Variants in GPRC6A observed in about 807,000 individuals in gnomAD.
The protein encoded by GPRC6A is G protein-coupled receptor class C group 6 member A, also known as G protein-coupled receptor family C group 6 member A.
GPRC6A carries 54 observed loss-of-function variants against 47.0 expected under a neutral mutation model. The ratio of observed to expected loss-of-function variants is 1.15; its 90% confidence interval spans 0.92 to 1.44. The LOEUF (loss-of-function observed/expected upper bound fraction) is 1.44. GPRC6A is among the 40% of genes most tolerant of loss of function. GPRC6A has a pLI of 0.00. For missense variants in GPRC6A, 1,112 were observed against 1,105.5 expected, an observed-to-expected ratio of 1.01 and a Z score of -0.08; for synonymous variants, 347 against 377.1, an observed-to-expected ratio of 0.92 and a Z score of 0.93.
chr6:116,828,727 A>T (rs1773747618), intron 1 of GPRC6A, 93 bp downstream of exon 1: 1 of 1,035,516 alleles, frequency 9.7e-7, no homozygotes, highest in Non-Finnish European at 1.4e-6. Context: ...TTATTTTTTT[A>T]AATGATTTAG....
intron 1 of GPRC6A, among the ~76,000 whole-genome samples, chr6:116,812,987 A>G (rs966640039): frequency 2.6e-5 from 4 of 152,218 alleles, no homozygotes; most frequent in Non-Finnish European, 5.9e-5. Context: ...GAGACAAATC[A>G]TGAGTGAACT....
At chr6:116,812,639 GCT>G (rs1773064268) in intron 1 of GPRC6A, among the ~76,000 whole-genome samples, 6 of 151,974 alleles carry the variant, frequency 3.9e-5, no homozygotes, top group Non-Finnish European at 8.8e-5. Flanking sequence ...ACATAGACTG[GCT>G]GTCAATATTA....
chr6:116,820,321 C>A (rs1307290803), intron 1 of GPRC6A, among the ~76,000 whole-genome samples: 5 of 152,068 alleles, frequency 3.3e-5, no homozygotes, highest in African/African-American at 4.8e-5. Context: ...CTATTCCGAT[C>A]AATAGAAAAA....
At position 116,800,714 on chromosome 6, in the gene GPRC6A, C is replaced by T. The variant is rs1247220061; in HGVS notation, c.1418G>A (p.Gly473Glu). 6.2e-7 allele frequency: 1 copy of T among 1,611,088 alleles called. No individual in the cohort carries two copies. The change falls in exon 4 of 6, where the codon GGA becomes GAA. Residue 473 changes from glycine (G) to glutamate (E), a missense_variant. By Grantham distance (98) the Gly-to-Glu change is moderately conservative (BLOSUM62 -2). Transcript: ENST00000310357. ...HFDAHGDLNT[G>E]YDVVLWKEIN... The stretch of plus-strand genomic sequence containing the variant: ...CTCCTTCCAGAGCACAACATCATAT[C>T]CAGTATTTAAATCCCCGTGAGCATC...
chr6:116,816,112 T>A (rs761318787), intron 1 of GPRC6A, among the ~76,000 whole-genome samples: 1 of 152,212 alleles, frequency 6.6e-6, no homozygotes, highest in African/African-American at 2.4e-5. Flanking sequence ...CCAAATCTCA[T>A]GTCCTTCTCA....
chr6:116,819,535 G>T lies in GPRC6A; in HGVS notation c.194+9285C>A, dbSNP rs1773378443. Among the ~76,000 whole-genome samples, 3 of 152,220 alleles carry T rather than the reference G, an allele frequency of 2.0e-5. No individual in the cohort carries two copies. In the South Asian group the frequency reaches 6.2e-4, roughly 32 times the overall value. ...CTCAGACCACAGTGCAATCAAACTA[G>T]AACTCAGGATTAAGAATCTCACTCA... On this transcript the variant is annotated intron_variant, in intron 1 of 5. Coordinates refer to ENST00000310357, the MANE Select transcript of GPRC6A (RefSeq NM_148963.4).
In GPRC6A at chr6:116,803,700, A is replaced by G. The variant is rs142230741; in HGVS notation, c.1335+2670T>C. ...CATATGCCATGATTTCCTGCTTCCTAAAGATGCTGTGCTTTCTTTTCTCCC... is the reference window on the plus strand; with the variant it reads ...CATATGCCATGATTTCCTGCTTCCTGAAGATGCTGTGCTTTCTTTTCTCCC... On this transcript the variant is annotated intron_variant, in intron 3 of 5. Transcript: ENST00000310357. Among the ~76,000 whole-genome samples, 305 of 152,168 alleles carry G rather than the reference A, an allele frequency of 2.0e-3. 1 individual carries two copies. The highest frequency in any genetic ancestry group is 6.1e-3 in the African/African-American group (254 of 41,534).
chr6:116,825,860 T>C (rs956844206), intron 1 of GPRC6A, among the ~76,000 whole-genome samples: 1 of 151,838 alleles, frequency 6.6e-6, no homozygotes, highest in African/African-American at 2.4e-5. Context: ...ACATAGATCA[T>C]GGGAAACAGA....
intron 4 of GPRC6A, 108 bp from the exon 5 acceptor site, chr6:116,795,943 G>C (rs1772473810): frequency 1.4e-6 from 1 of 690,618 alleles, no homozygotes; most frequent in Non-Finnish European, 2.2e-6. Flanking sequence ...TACTATTTTG[G>C]TCTTTTTTCA....
At chr6:116,803,292 A>G (rs1448207602) in intron 3 of GPRC6A, among the ~76,000 whole-genome samples, 1 of 151,912 alleles carries the variant, frequency 6.6e-6, no homozygotes, top group Admixed American at 6.6e-5. Flanking sequence ...TGATTTACCA[A>G]ATTGGTGTTT....
At chr6:116,824,884 T>A (rs964824774) in intron 1 of GPRC6A, among the ~76,000 whole-genome samples, 16 of 152,142 alleles carry the variant, frequency 1.1e-4, no homozygotes, top group Admixed American at 2.0e-4. Context: ...GTCACAAAGA[T>A]AATACACCAT....
rs1772364026 is a variant in GPRC6A, at chr6:116,793,004, T to C, written c.1919A>G (p.His640Arg). The C allele has an allele frequency of 6.2e-7, 1 of 1,613,946 alleles. No individual in the cohort carries two copies. Among genetic ancestry groups the C allele is most frequent in the Non-Finnish European group, 8.5e-7 (1 of 1,179,994 alleles). ...LRVCYVILLCHFLNFASTSFF... is the reference protein window; with the variant it reads ...LRVCYVILLCRFLNFASTSFF... ...GCTCGTGCTGGCAAAATTGAGGAAA[T>C]GACAGAGAAGGATCACATAGCAGAC... is the stretch of plus-strand genomic sequence containing the variant. Residue 640 changes from histidine (H) to arginine (R), a missense_variant, in exon 6 of 6, where the codon CAT becomes CGT. His to Arg is a conservative substitution (Grantham distance 29, BLOSUM62 0). Transcript: ENST00000310357.
At chr6:116,810,624 C>T (rs114157489) in intron 1 of GPRC6A, among the ~76,000 whole-genome samples, 3,968 of 150,938 alleles carry the variant, frequency 0.026, 150 homozygotes, top group African/African-American at 0.091. Flanking sequence ...TGAACCATGG[C>T]TTGCAATGAC....
At chr6:116,824,712 A>G (rs1582482988) in intron 1 of GPRC6A, among the ~76,000 whole-genome samples, 1 of 152,032 alleles carries the variant, frequency 6.6e-6, no homozygotes, top group Non-Finnish European at 1.5e-5. Context: ...AAAAAATTCA[A>G]GAGGATGGAA....
rs1254881472 is a variant in GPRC6A at position 116,807,769 on chromosome 6, A to G, written c.499-563T>C. On this transcript the variant is annotated intron_variant, in intron 2 of 5. Transcript: ENST00000310357. ...ACAACCTTTTAGAAATGTAAAAACT[A>G]TTTTTAGCCTGAAAGCTCAAGAGCA... is the stretch of plus-strand genomic sequence containing the variant. Among the ~76,000 whole-genome samples, 5 of 152,126 alleles carry G rather than the reference A, an allele frequency of 3.3e-5. No individual in the cohort carries two copies. The East Asian group carries it at 9.6e-4, about 29-fold the overall frequency.
intron 1 of GPRC6A, among the ~76,000 whole-genome samples, chr6:116,825,919 G>A (rs1773662314): frequency 6.6e-6 from 1 of 151,882 alleles, no homozygotes; most frequent in African/African-American, 2.4e-5. Context: ...ACAGATTTTT[G>A]ACAAAGGAGC....
At chr6:116,794,172 C>G (rs117559346) in intron 5 of GPRC6A, among the ~76,000 whole-genome samples, 1 of 152,154 alleles carries the variant, frequency 6.6e-6, no homozygotes, top group Non-Finnish European at 1.5e-5. Flanking sequence ...TCTGATGACA[C>G]CCCACAGCCT....
intron 1 of GPRC6A, among the ~76,000 whole-genome samples, chr6:116,828,267 A>C (rs1459638802): frequency 1.3e-5 from 2 of 152,130 alleles, no homozygotes; most frequent in African/African-American, 4.8e-5. Flanking sequence ...TGTCTTTCTC[A>C]TAGGTAAGCT....
At chr6:116,796,908 G>C (rs543411972) in intron 4 of GPRC6A, among the ~76,000 whole-genome samples, 12 of 152,218 alleles carry the variant, frequency 7.9e-5, no homozygotes, top group Admixed American at 2.0e-4. Flanking sequence ...TATACTTTAA[G>C]TTTTAGGGTA....
Sources: allele counts gnomAD v4.1 joint callset (sites outside exome capture counted in the v4.1 genomes callset), GRCh38; gene constraint gnomAD v4.1.1; transcripts MANE v1.5; gene names NCBI Gene and HGNC (gene_info 2026-07-23, HGNC 2026-07-21).